Variants in ARHGAP33 observed in about 807,000 individuals in gnomAD.
The protein encoded by ARHGAP33 is rho GTPase-activating protein 33.
ARHGAP33 carries 57 observed loss-of-function variants against 126.2 expected under a neutral mutation model. The observed-to-expected ratio is 0.45, with a 90% confidence interval of 0.36 to 0.56. The LOEUF is 0.56. Ranked by LOEUF, ARHGAP33 falls within the 20% of genes least tolerant of loss-of-function variation. The probability of loss-of-function intolerance (pLI) is 0.00; values close to 1 mark genes in which losing one functional copy is unlikely to be tolerated. For missense variants in ARHGAP33, 1,500 were observed against 1,748.3 expected, an observed-to-expected ratio of 0.86 and a Z score of 2.53; for synonymous variants, 711 against 755.0, an observed-to-expected ratio of 0.94 and a Z score of 0.95.
Position 35,786,968 on chromosome 19 carries a change from G to A in ARHGAP33, c.2498G>A (p.Arg833His), listed in dbSNP as rs369788686. 41 of 1,610,300 alleles carry A rather than the reference G, an allele frequency of 2.5e-5. No individual in the cohort carries two copies. Among genetic ancestry groups the A allele is most frequent in the Admixed American group, 5.0e-5 (3 of 59,824 alleles). Residue 833 changes from arginine (R) to histidine (H), a missense_variant, in exon 20 of 21, where the codon CGC (arginine) becomes CAC (histidine). By Grantham distance (29) the Arg-to-His change is conservative. Transcript: ENST00000007510. This position sits in a 1 kb window ranked among gnomAD's most constrained non-coding sequence, Gnocchi z 7.0. ...TPALSPGRSLRPHLIPLLLRG... is the reference protein window; with the variant it reads ...TPALSPGRSLHPHLIPLLLRG... ...GCTCTCAGCCCCGGCCGGAGCCTGCGCCCCCATCTCATACCCCTGCTGCTG... is the reference window on the plus strand; with the variant it reads ...GCTCTCAGCCCCGGCCGGAGCCTGCACCCCCATCTCATACCCCTGCTGCTG...
In ARHGAP33 at chr19:35,788,150, C is replaced by A. The variant is rs777672502; in HGVS notation, c.3585C>A (p.Ser1195Arg). Reference sequence around the variant, plus strand: ...CTTCCCCTCCTGCCCACCCCCGAAGCCGTTCAGATCCCGGTCCCCCAGTCC... The same window carrying A: ...CTTCCCCTCCTGCCCACCCCCGAAGACGTTCAGATCCCGGTCCCCCAGTCC... ...SSSSPPAHPR[S>R]RSDPGPPVPR... The change falls in exon 21 of 21, where the codon AGC (serine) becomes AGA (arginine). Residue 1195 changes from serine to arginine, a missense_variant. This residue lies in a region of ARHGAP33 where 642 missense variants were observed against 634.0 expected (regional missense o/e 1.01). Coordinates refer to ENST00000007510, the MANE Select transcript of ARHGAP33 (RefSeq NM_001366178.1). 7 of 1,609,990 alleles carry A rather than the reference C, an allele frequency of 4.3e-6. No individual in the cohort carries two copies. Among genetic ancestry groups the A allele is most frequent in the Non-Finnish European group, 5.9e-6 (7 of 1,178,464 alleles).
Position 35,788,381 on chromosome 19 carries a change from T to TC in ARHGAP33, c.3819dup (p.Ser1274GlnfsTer7). ...CTGGTCCCCCACCCCCTTACCCCAC[T>TC]CCCAGCTGGTCCCTCCACTCTGAGG... On this transcript the variant is annotated frameshift_variant, in exon 21 of 21. Transcript: ENST00000007510. LOFTEE classifies it high-confidence loss of function. 1.3e-6 allele frequency: 2 copies of TC among 1,580,682 alleles called. No homozygotes were observed. The highest frequency in any genetic ancestry group is 1.7e-6 in the Non-Finnish European group (2 of 1,163,656).
Position 35,778,298 on chromosome 19 carries a change from C to G in ARHGAP33, c.208C>G (p.Arg70Gly). ...TCTGCAGCTCCTGCTGTCTCCAGAC[C>G]GTGAAGGGCCCAGCCTCTCTGGAGA... ...GHIQLLLSPD[R>G]EGPSLSGENE... is the part of the protein sequence containing the mutation. Residue 70 changes from arginine to glycine, a missense_variant, in exon 4 of 21, where the codon CGT becomes GGT. Arg to Gly is a moderately radical substitution (Grantham distance 125). Transcript: ENST00000007510. The G allele has an allele frequency of 1.9e-6, 3 of 1,614,164 alleles. No individual in the cohort carries two copies. Among genetic ancestry groups the G allele is most frequent in the African/African-American group, 1.3e-5 (1 of 75,040 alleles).
rs749235124 is a variant in ARHGAP33 at position 35,780,222 on chromosome 19, C to T, written c.513C>T (p.His171=). The T allele has an allele frequency of 6.1e-5, 99 of 1,613,742 alleles. No individual in the cohort carries two copies. Among genetic ancestry groups the T allele is most frequent in the Non-Finnish European group, 7.5e-5 (89 of 1,179,958 alleles). The change falls in exon 7 of 21, where the codon CAC becomes CAT. Residue 171 remains histidine, a synonymous_variant. Coordinates refer to ENST00000007510, the MANE Select transcript of ARHGAP33 (RefSeq NM_001366178.1). The part of the protein sequence containing the change: ...PVLTWMELDN[H]GRRLLLSEEA... Reference sequence around the variant, plus strand: ...CACCTCTATTTCAGCTGGACAATCACGGCCGGCGACTGCTCCTCAGTGAGG... The same window carrying T: ...CACCTCTATTTCAGCTGGACAATCATGGCCGGCGACTGCTCCTCAGTGAGG...
chr19:35,784,076 G>T, intron 15 of ARHGAP33, 96 bp from the exon 16 acceptor site: 1 of 1,077,384 alleles, frequency 9.3e-7, no homozygotes, highest in Non-Finnish European at 1.4e-6. Flanking sequence ...GTGTTGAATA[G>T]ACAGTCACTG....
At position 35,782,540 on chromosome 19, in the gene ARHGAP33, C is replaced by T. The variant is rs373072722; in HGVS notation, c.1230+23C>T. 3.9e-4 allele frequency: 637 copies of T among 1,613,132 alleles called. 1 individual carries two copies. Among genetic ancestry groups the T allele is most frequent in the Non-Finnish European group, 5.1e-4 (599 of 1,179,508 alleles). ...AGTGTGAGTAAGGGAGCTGGCGGGA[C>T]GGAGGGGGCCGGGACGCCTCTGGCC... On this transcript the variant is annotated intron_variant, in intron 13 of 20. Coordinates refer to ENST00000007510, the MANE Select transcript of ARHGAP33 (RefSeq NM_001366178.1). The surrounding 1 kb of genome is among the most constrained non-coding windows in gnomAD (Gnocchi z 4.1).
rs1675001373 is a variant in ARHGAP33 at position 35,784,197 on chromosome 19, A to G, written c.1447A>G (p.Met483Val). 6.2e-7 allele frequency: 1 copy of G among 1,611,548 alleles called. No individual in the cohort carries two copies. The highest frequency in any genetic ancestry group is 8.5e-7 in the Non-Finnish European group (1 of 1,178,598). Reference sequence around the variant, plus strand: ...GTCCATGGAGCTGGAGTCAGTGGGAATGGGTGGCGCGGCGGCGTTCCGGGA... The same window carrying G: ...GTCCATGGAGCTGGAGTCAGTGGGAGTGGGTGGCGCGGCGGCGTTCCGGGA... The part of the protein sequence containing the change: ...LRSMELESVG[M>V]GGAAAFREVR... Residue 483 changes from methionine to valine, a missense_variant, in exon 16 of 21, where the codon ATG becomes GTG. Met to Val is a conservative substitution (Grantham distance 21, BLOSUM62 1). Around this residue, in one of 6 missense-constraint regions of ARHGAP33, gnomAD observed 281 missense variants for 413.7 expected, o/e 0.68. Transcript: ENST00000007510.
Position 35,785,049 on chromosome 19 carries a change from G to A in ARHGAP33, c.1664G>A (p.Arg555Gln), listed in dbSNP as rs530507072. The change falls in exon 17 of 21, where the codon CGG becomes CAG. Residue 555 changes from arginine (R) to glutamine (Q), a missense_variant. By Grantham distance (43) the Arg-to-Gln change is conservative. This residue lies in a region of ARHGAP33 where 300 missense variants were observed against 291.1 expected (regional missense o/e 1.03). Transcript: ENST00000007510. Reference sequence around the variant, plus strand: ...GAAGCCCAGGCACGCACCCAGGGCCGGCTGGGGACGCCCACGGAGCCCACA... The same window carrying A: ...GAAGCCCAGGCACGCACCCAGGGCCAGCTGGGGACGCCCACGGAGCCCACA... ...LEEAQARTQGRLGTPTEPTTP... is the reference protein window; with the variant it reads ...LEEAQARTQGQLGTPTEPTTP... The A allele has an allele frequency of 5.1e-6, 8 of 1,555,642 alleles. No homozygotes were observed. In the African/African-American group the frequency reaches 5.4e-5, roughly 11 times the overall value.
intron 19 of ARHGAP33, chr19:35,785,802 C>G: frequency 1.7e-6 from 2 of 1,204,352 alleles, no homozygotes; most frequent in Non-Finnish European, 2.1e-6. Flanking sequence ...TCCTTCTCCC[C>G]TTCGAGTTCC....
chr19:35,777,164 C>T (rs1020982622), intron 1 of ARHGAP33, among the ~76,000 whole-genome samples: 1 of 152,066 alleles, frequency 6.6e-6, no homozygotes, highest in Non-Finnish European at 1.5e-5. Flanking sequence ...ATTCAGACTT[C>T]GTCTTGAAGA....
At chr19:35,777,586 T>C (rs922718921) in intron 1 of ARHGAP33, 59 bp from the exon 2 acceptor site, 14 of 1,409,044 alleles carry the variant, frequency 9.9e-6, no homozygotes, top group African/African-American at 1.4e-5. Context: ...CAGATAACAA[T>C]GCTCTCGTTG....
chr19:35,776,785 A>T (rs1414145112), intron 1 of ARHGAP33, among the ~76,000 whole-genome samples: 1 of 152,216 alleles, frequency 6.6e-6, no homozygotes, highest in African/African-American at 2.4e-5. Context: ...CAGAGTGATC[A>T]GAGCTGTGAA....
rs750372813 is a variant in ARHGAP33 at position 35,785,117 on chromosome 19, T to C, written c.1721+11T>C. The C allele has an allele frequency of 6.3e-7, 1 of 1,590,854 alleles. No homozygotes were observed. Among genetic ancestry groups the C allele is most frequent in the Non-Finnish European group, 8.6e-7 (1 of 1,165,330 alleles). Reference sequence around the variant, plus strand: ...CTCACCTGCGGAAAGGTGAGTGGGATGCTGGGGGTGGCGAGGGGCAGGTGG... The same window carrying C: ...CTCACCTGCGGAAAGGTGAGTGGGACGCTGGGGGTGGCGAGGGGCAGGTGG... On this transcript the variant is annotated intron_variant, in intron 17 of 20. Transcript: ENST00000007510.
At chr19:35,777,539 G>A (rs918937594) in intron 1 of ARHGAP33, 106 bp from the exon 2 acceptor site, 17 of 854,756 alleles carry the variant, frequency 2.0e-5, no homozygotes, top group Admixed American at 1.8e-4. Context: ...TGCTCAGGGC[G>A]GTGTGTGGAG....
chr19:35,788,563 G>A lies in ARHGAP33; in HGVS notation c.*134G>A, dbSNP rs1009667220. On this transcript the variant is annotated 3_prime_UTR_variant, in exon 21 of 21. Coordinates refer to ENST00000007510, the MANE Select transcript of ARHGAP33 (RefSeq NM_001366178.1). ...TCTAACTTTGTAACTTGCTTCTGAT[G>A]TGGGTCCCTAACCTATAATCTCAGC... The A allele has an allele frequency of 1.3e-6, 1 of 775,448 alleles. No individual in the cohort carries two copies. The highest frequency in any genetic ancestry group is 2.0e-6 in the Non-Finnish European group (1 of 511,504). The allele number at this position is 775,448 out of a possible 1,614,324, so 48.0% of individuals were successfully genotyped here.
intron 6 of ARHGAP33, among the ~76,000 whole-genome samples, chr19:35,779,672 G>A (rs1284337019): frequency 2.0e-5 from 3 of 151,982 alleles, no homozygotes; most frequent in Admixed American, 6.6e-5. Context: ...CAGGTGTTCC[G>A]CCCACCTCAG....
chr19:35,788,302 G>A lies in ARHGAP33; in HGVS notation c.3737G>A (p.Gly1246Asp), dbSNP rs763104809. 6 of 1,608,726 alleles carry A rather than the reference G, an allele frequency of 3.7e-6. No homozygotes were observed. Among genetic ancestry groups the A allele is most frequent in the Non-Finnish European group, 4.2e-6 (5 of 1,178,530 alleles). Residue 1246 changes from glycine (G) to aspartate (D), a missense_variant, in exon 21 of 21, where the codon GGC (glycine) becomes GAC (aspartate). Transcript: ENST00000007510. ...GCCCCGCCAGCCTACGGAAGGGGGG[G>A]CGAGCTCCACCGAGGGTCCTTGTAC... Reference protein sequence around the residue: ...RAAPPAYGRGGELHRGSLYRN... With the variant: ...RAAPPAYGRGDELHRGSLYRN...
At chr19:35,784,684 G>T (rs1355765234) in intron 16 of ARHGAP33, 1 of 1,100,538 alleles carries the variant, frequency 9.1e-7, no homozygotes, top group Admixed American at 6.0e-5. Flanking sequence ...GACTCAGCAC[G>T]TCGGAGGGCC....
At chr19:35,775,825 T>A (rs1971425243) in intron 1 of ARHGAP33, among the ~76,000 whole-genome samples, 161 bp downstream of exon 1, 1 of 150,620 alleles carries the variant, frequency 6.6e-6, no homozygotes, top group South Asian at 2.1e-4. Flanking sequence ...TCCCAGCCCG[T>A]ACCTCGACCC....
Sources: allele counts gnomAD v4.1 joint callset (sites outside exome capture counted in the v4.1 genomes callset), GRCh38; gene constraint gnomAD v4.1.1; regional missense constraint gnomAD v4.1.1; non-coding constraint Gnocchi (gnomAD v3.1); transcripts MANE v1.5; gene names NCBI Gene and HGNC (gene_info 2026-07-23, HGNC 2026-07-21).